CNTNAP3B: variants seen among roughly 807,000 people sequenced by gnomAD.
CNTNAP3B encodes contactin associated protein family member 3B.
CNTNAP3B carries 25 observed loss-of-function variants against 108.9 expected under a neutral mutation model. That is an observed-to-expected ratio of 0.23 (90% CI 0.17 to 0.32). CNTNAP3B has a LOEUF of 0.32. Ranked by LOEUF, CNTNAP3B falls within the 10% of genes least tolerant of loss-of-function variation. CNTNAP3B has a pLI of 1.00. For missense variants in CNTNAP3B, 252 were observed against 1,210.4 expected, an observed-to-expected ratio of 0.21 and a Z score of 11.75; for synonymous variants, 103 against 473.4, an observed-to-expected ratio of 0.22 and a Z score of 10.16.
At chr9:41,988,761 AAT>A (rs1328168692) in intron 8 of CNTNAP3B, among the ~76,000 whole-genome samples, 1 of 105,344 alleles carries the variant, frequency 9.5e-6, no homozygotes, top group African/African-American at 3.5e-5. Context: ...CTCATAAACT[AAT>A]GAGTTAAACA....
At chr9:42,078,213 A>G in intron 2 of CNTNAP3B, among the ~76,000 whole-genome samples, 1 of 99,164 alleles carries the variant, frequency 1.0e-5, no homozygotes, top group South Asian at 3.2e-4. Context: ...GAATATAGCT[A>G]GGTGTAAAAA....
intron 13 of CNTNAP3B, among the ~76,000 whole-genome samples, chr9:41,939,569 T>C (rs1000721524): frequency 6.6e-6 from 1 of 152,292 alleles, no homozygotes; most frequent in African/African-American, 2.4e-5. Flanking sequence ...AGGAATCTTT[T>C]AAAAATGTGC....
chr9:41,935,550 C>T (rs1014807359), intron 14 of CNTNAP3B, among the ~76,000 whole-genome samples: 2 of 152,374 alleles, frequency 1.3e-5, no homozygotes, highest in African/African-American at 4.8e-5. Flanking sequence ...CTGGTAAATT[C>T]CATTTTTATA....
intron 3 of CNTNAP3B, among the ~76,000 whole-genome samples, chr9:42,064,778 A>G (rs1452745460): frequency 7.3e-6 from 1 of 136,118 alleles, no homozygotes; most frequent in African/African-American, 2.9e-5. Flanking sequence ...TACAAAGGAC[A>G]TGATTTCATT....
intron 18 of CNTNAP3B, among the ~76,000 whole-genome samples, chr9:41,916,805 T>C (rs1438581089): frequency 6.8e-6 from 1 of 147,458 alleles, no homozygotes; most frequent in Non-Finnish European, 1.5e-5. Flanking sequence ...ACATGAAAGA[T>C]GGTTGTGCTG....
rs1162285414 is a variant in CNTNAP3B, at chr9:42,064,999, G to T, written c.390+11870C>A. ...AGTAATGGGATTGCTAGGTTGAATG[G>T]TAGTTCTCTTTTAAGTTCTTTGAGA... On this transcript the variant is annotated intron_variant, in intron 3 of 23. Transcript: ENST00000377561. Among the ~76,000 whole-genome samples, 6 of 143,724 alleles carry T rather than the reference G, an allele frequency of 4.2e-5. No individual in the cohort carries two copies. The East Asian group carries it at 1.0e-3, about 25-fold the overall frequency. The allele number at this position is 143,724 out of a possible 152,430, so 94.3% of individuals were successfully genotyped here.
intron 14 of CNTNAP3B, among the ~76,000 whole-genome samples, chr9:41,930,005 A>C (rs1284296804): frequency 1.3e-5 from 2 of 152,254 alleles, no homozygotes; most frequent in Non-Finnish European, 2.9e-5. Flanking sequence ...ATAATATCTA[A>C]GTGATTATTC....
chr9:41,942,280 C>G (rs1452890878), intron 13 of CNTNAP3B, among the ~76,000 whole-genome samples: 8 of 152,250 alleles, frequency 5.3e-5, no homozygotes, highest in Admixed American at 5.2e-4. Flanking sequence ...TCGAGACCAT[C>G]CTGGCTAACA....
At position 42,037,899 on chromosome 9, in the gene CNTNAP3B, A is replaced by T. The variant is rs1230970570; in HGVS notation, c.391-24374T>A. On this transcript the variant is annotated intron_variant, in intron 3 of 23. Coordinates refer to ENST00000377561, the MANE Select transcript of CNTNAP3B (RefSeq NM_001201380.3). ...CAGAGAGAAAGGTCGGGTTACCCAC[A>T]AAGGGAAGCCCATCAGACTAACAGC... 1.1e-4 allele frequency among the ~76,000 whole-genome samples: 2 copies of T among 18,098 alleles called. 1 individual carries two copies. The highest frequency in any genetic ancestry group is 2.9e-4 in the Non-Finnish European group (2 of 6,866). The allele number at this position is 18,098 out of a possible 152,430, so 11.9% of individuals were successfully genotyped here. A position where few individuals can be genotyped will look rare whatever the true frequency, so the allele number is the denominator to read the frequency against.
At chr9:42,075,838 TATTATTA>T (rs1306371165) in intron 3 of CNTNAP3B, among the ~76,000 whole-genome samples, 6 of 75,392 alleles carry the variant, frequency 8.0e-5, no homozygotes, top group Non-Finnish European at 1.6e-4. Flanking sequence ...AATAAATACT[TATTATTA>T]TTATTATTAT....
At chr9:41,941,014 GA>G (rs1816354941) in intron 13 of CNTNAP3B, among the ~76,000 whole-genome samples, 1 of 150,678 alleles carries the variant, frequency 6.6e-6, no homozygotes, top group African/African-American at 2.4e-5. Context: ...ATCAATTTTT[GA>G]AATGATATAT....
At chr9:41,919,621 A>C (rs1311883527) in intron 18 of CNTNAP3B, among the ~76,000 whole-genome samples, 1 of 152,306 alleles carries the variant, frequency 6.6e-6, no homozygotes, top group Non-Finnish European at 1.5e-5. Context: ...AATCACTTAA[A>C]GTCACTGTCA....
chr9:42,039,346 CTAAT>C (rs1826704514), intron 3 of CNTNAP3B, among the ~76,000 whole-genome samples: 1 of 111,822 alleles, frequency 8.9e-6, no homozygotes, highest in African/African-American at 3.9e-5. Context: ...GGTAGCAAAA[CTAAT>C]AAAGAAGAAA....
intron 14 of CNTNAP3B, among the ~76,000 whole-genome samples, chr9:41,931,547 C>T (rs1210058202): frequency 1.3e-5 from 2 of 152,036 alleles, no homozygotes; most frequent in Admixed American, 6.6e-5. Flanking sequence ...TGAAAAAATA[C>T]ACTTAATGGT....
At chr9:41,947,310 A>T (rs1283001285) in intron 13 of CNTNAP3B, among the ~76,000 whole-genome samples, 1 of 152,242 alleles carries the variant, frequency 6.6e-6, no homozygotes, top group Non-Finnish European at 1.5e-5. Flanking sequence ...AATCACACAA[A>T]GTATATTCTC....
chr9:41,961,115 CA>C (rs1467529733), intron 11 of CNTNAP3B, among the ~76,000 whole-genome samples: 1 of 152,304 alleles, frequency 6.6e-6, no homozygotes, highest in Non-Finnish European at 1.5e-5. Context: ...AGTCAAAATA[CA>C]TTCAAATGTT....
chr9:41,937,037 C>T (rs1395462853), intron 14 of CNTNAP3B, among the ~76,000 whole-genome samples: 1 of 151,516 alleles, frequency 6.6e-6, no homozygotes, highest in Non-Finnish European at 1.5e-5. Context: ...AATCAAATTA[C>T]TGCTTAGATT....
chr9:42,080,665 C>CT (rs1827594770), intron 2 of CNTNAP3B, among the ~76,000 whole-genome samples: 1 of 13,010 alleles, frequency 7.7e-5, no homozygotes, highest in Admixed American at 1.3e-3. Flanking sequence ...AAAATGTTGT[C>CT]TTTGTTTAAA....
intron 12 of CNTNAP3B, among the ~76,000 whole-genome samples, chr9:41,959,574 T>C (rs1824995601): frequency 6.6e-6 from 1 of 152,310 alleles, no homozygotes; most frequent in Admixed American, 6.5e-5. Context: ...TTATGGGATT[T>C]CTCACTTTGC....
Sources: allele counts gnomAD v4.1 joint callset (sites outside exome capture counted in the v4.1 genomes callset), GRCh38; gene constraint gnomAD v4.1.1; transcripts MANE v1.5; gene names NCBI Gene and HGNC (gene_info 2026-07-23, HGNC 2026-07-21).